The following SLC4A8 variants were observed in gnomAD, a reference collection of about 807,000 sequenced individuals.
SLC4A8 encodes the protein solute carrier family 4 member 8.
In SLC4A8, 40 loss-of-function variants were observed where a neutral mutation model predicts 125.0. That is an observed-to-expected ratio of 0.32 (90% CI 0.25 to 0.42). The LOEUF (loss-of-function observed/expected upper bound fraction) is 0.42, where lower values mean the gene tolerates loss of function less well. SLC4A8 is among the 10% of genes least tolerant of loss of function. The pLI, the probability that SLC4A8 is intolerant of heterozygous loss-of-function variation, is 1.00. For missense variants in SLC4A8, 863 were observed against 1,355.1 expected, an observed-to-expected ratio of 0.64 and a Z score of 5.70; for synonymous variants, 456 against 476.0, an observed-to-expected ratio of 0.96 and a Z score of 0.55.
chr12:51,457,485 T>C lies in SLC4A8; in HGVS notation c.709T>C (p.Ser237Pro), dbSNP rs777177388. The C allele has an allele frequency of 1.2e-6, 2 of 1,614,144 alleles. No individual in the cohort carries two copies. Among genetic ancestry groups the C allele is most frequent in the Non-Finnish European group, 1.7e-6 (2 of 1,179,982 alleles). Residue 237 changes from serine (S) to proline (P), a missense_variant, in exon 6 of 25, where the codon TCC (serine) becomes CCC (proline). This residue lies in a region of SLC4A8 where 390 missense variants were observed against 634.4 expected (regional missense o/e 0.61). Transcript: ENST00000453097. ...KRNNLIPIVR[S>P]FAEVGKKQSD... Reference sequence around the variant, plus strand: ...AAACAACCTCATTCCCATTGTTCGCTCCTTTGCTGAGGTTGGCAAGAAGCA... The same window carrying C: ...AAACAACCTCATTCCCATTGTTCGCCCCTTTGCTGAGGTTGGCAAGAAGCA...
intron 20 of SLC4A8, 149 bp from the exon 21 acceptor site, chr12:51,494,796 T>C: frequency 1.7e-6 from 1 of 575,874 alleles, no homozygotes; most frequent in Non-Finnish European, 3.0e-6. Flanking sequence ...AATTGCCTGG[T>C]CTTTTAAAGT....
intron 22 of SLC4A8, among the ~76,000 whole-genome samples, chr12:51,499,206 G>T (rs1257814385): frequency 6.6e-6 from 1 of 152,016 alleles, no homozygotes; most frequent in Non-Finnish European, 1.5e-5. Context: ...AGAAAGATAT[G>T]TGGACGTGTT....
At chr12:51,486,582 G>A (rs992960568) in intron 17 of SLC4A8, among the ~76,000 whole-genome samples, 3 of 152,224 alleles carry the variant, frequency 2.0e-5, no homozygotes, top group African/African-American at 7.2e-5. Context: ...AGTAGACAAA[G>A]AAGATAGAAA....
intron 11 of SLC4A8, among the ~76,000 whole-genome samples, chr12:51,464,269 T>C (rs995863289): frequency 6.6e-6 from 1 of 152,240 alleles, no homozygotes; most frequent in African/African-American, 2.4e-5. Context: ...AGGCTCTCAA[T>C]GTCTGCCAAA....
intron 2 of SLC4A8, among the ~76,000 whole-genome samples, chr12:51,444,475 T>C (rs1200696135): frequency 2.0e-5 from 3 of 152,230 alleles, no homozygotes; most frequent in African/African-American, 4.8e-5. Flanking sequence ...TAATTGATTG[T>C]ACTAAAGTAA....
chr12:51,498,946 G>A (rs1937710092), intron 22 of SLC4A8, among the ~76,000 whole-genome samples: 1 of 142,904 alleles, frequency 7.0e-6, no homozygotes, highest in Non-Finnish European at 1.5e-5. Flanking sequence ...CACTTTGGAA[G>A]GCTGAGGCAG....
At chr12:51,412,385 T>C (rs1345673733) in intron 1 of SLC4A8, among the ~76,000 whole-genome samples, 2 of 152,160 alleles carry the variant, frequency 1.3e-5, no homozygotes, top group Non-Finnish European at 2.9e-5. Flanking sequence ...CAAATCAGGG[T>C]ATTTAGGATA....
chr12:51,480,573 G>A lies in SLC4A8; in HGVS notation c.2173-5214G>A, dbSNP rs554240339. On this transcript the variant is annotated intron_variant, in intron 16 of 24. Coordinates refer to ENST00000453097, the MANE Select transcript of SLC4A8 (RefSeq NM_001039960.3). Reference sequence around the variant, plus strand: ...CGTAAATATCTTTTGATTTCCATTTGTATGGAATCCCAATGAATGTATCTT... The same window carrying A: ...CGTAAATATCTTTTGATTTCCATTTATATGGAATCCCAATGAATGTATCTT... 4.7e-5 allele frequency: 46 copies of A among 984,582 alleles called. No individual in the cohort carries two copies. The African/African-American group carries it at 7.7e-4, about 16-fold the overall frequency. The allele number at this position is 984,582 out of a possible 1,614,324, so 61.0% of individuals were successfully genotyped here. A position where few individuals can be genotyped will look rare whatever the true frequency, so the allele number is the denominator to read the frequency against.
At chr12:51,483,053 C>A (rs1188913566) in intron 16 of SLC4A8, among the ~76,000 whole-genome samples, 1 of 151,586 alleles carries the variant, frequency 6.6e-6, no homozygotes, top group Non-Finnish European at 1.5e-5. Flanking sequence ...TTTTGTGGTT[C>A]CCCCCACCCC....
chr12:51,483,474 T>TTC (rs1417548769), intron 16 of SLC4A8, among the ~76,000 whole-genome samples: 3 of 148,890 alleles, frequency 2.0e-5, no homozygotes, highest in African/African-American at 7.3e-5. Flanking sequence ...TCTTTTCTCT[T>TTC]TTTTTTTTTA....
At position 51,464,147 on chromosome 12, in the gene SLC4A8, C is replaced by A. The variant is rs1592228851; in HGVS notation, c.1349+433C>A. Among the ~76,000 whole-genome samples the A allele has an allele frequency of 2.6e-5, 4 of 152,224 alleles. No individual in the cohort carries two copies. The South Asian group carries it at 8.3e-4, about 32-fold the overall frequency. On this transcript the variant is annotated intron_variant, in intron 11 of 24. Coordinates refer to ENST00000453097, the MANE Select transcript of SLC4A8 (RefSeq NM_001039960.3). The stretch of plus-strand genomic sequence containing the variant: ...CCCTTCCCCACATTACAGCCTTTAT[C>A]ATACTTCATTATTATTGGTTGATCT...
At chr12:51,454,665 T>C (rs1357209301) in intron 5 of SLC4A8, among the ~76,000 whole-genome samples, 2 of 51,742 alleles carry the variant, frequency 3.9e-5, no homozygotes, top group African/African-American at 8.8e-5. Context: ...AGGTCCCACC[T>C]CCAGCCCTAA....
chr12:51,461,199 G>A lies in SLC4A8; in HGVS notation c.1014-5G>A. The A allele has an allele frequency of 6.3e-7, 1 of 1,577,796 alleles. No homozygotes were observed. The highest frequency in any genetic ancestry group is 1.1e-5 in the South Asian group (1 of 89,864). ...CATAATTTCCTCCTCTGTGTGTTTT[G>A]CCAGATTTTTGTTTATCTTATTGGG... On this transcript the variant is annotated splice_region_variant and splice_polypyrimidine_tract_variant and intron_variant, in intron 8 of 24. Transcript: ENST00000453097.
intron 19 of SLC4A8, among the ~76,000 whole-genome samples, chr12:51,490,689 G>A (rs924780162): frequency 4.6e-5 from 7 of 151,848 alleles, no homozygotes; most frequent in Admixed American, 3.9e-4. Context: ...TGTGTTCTAC[G>A]AAATATCAGG....
intron 16 of SLC4A8, among the ~76,000 whole-genome samples, chr12:51,483,014 G>A (rs1951068418): frequency 6.6e-6 from 1 of 152,164 alleles, no homozygotes; most frequent in Admixed American, 6.5e-5. Context: ...AGGGAGCCAA[G>A]CATATTTGTC....
chr12:51,482,433 C>G (rs1221292201), intron 16 of SLC4A8, among the ~76,000 whole-genome samples: 3 of 152,050 alleles, frequency 2.0e-5, no homozygotes, highest in Non-Finnish European at 4.4e-5. Flanking sequence ...AGGCTGAGTA[C>G]AGTGGCACAA....
intron 6 of SLC4A8, 142 bp from the exon 7 acceptor site, chr12:51,458,417 T>G: frequency 1.6e-6 from 1 of 631,330 alleles, no homozygotes; most frequent in South Asian, 1.9e-5. Context: ...AAGATGTGTG[T>G]GGGTCTTGAC....
rs11833921 is a variant in SLC4A8, at chr12:51,503,490, C to G, written c.3082-539C>G. ...CCTCCCAAAGTGCTGGGATTACAGG[C>G]GTGAGCCACCATGCCCGGCCTACCT... On this transcript the variant is annotated intron_variant, in intron 22 of 24. Transcript: ENST00000453097. Among the ~76,000 whole-genome samples, 597 of 152,260 alleles carry G rather than the reference C, an allele frequency of 3.9e-3. 2 individuals are homozygous for G. Among genetic ancestry groups the G allele is most frequent in the African/African-American group, 0.013 (551 of 41,548 alleles).
At chr12:51,428,029 C>T (rs1181027517) in intron 1 of SLC4A8, among the ~76,000 whole-genome samples, 1 of 152,194 alleles carries the variant, frequency 6.6e-6, no homozygotes, top group Non-Finnish European at 1.5e-5. Context: ...CTCTCCTCCA[C>T]TCTCTTTCTT....
Sources: gnomAD v4.1 joint callset for allele counts (sites outside exome capture counted in the v4.1 genomes callset) on GRCh38, gnomAD v4.1.1 for gene constraint, gnomAD v4.1.1 regional missense constraint, MANE v1.5 for transcripts, NCBI Gene and HGNC (gene_info 2026-07-23, HGNC 2026-07-21) for gene names.